Variants in EFNA5 observed in about 807,000 individuals in gnomAD.
EFNA5 encodes ephrin A5.
A neutral mutation model predicts 22.9 loss-of-function variants in EFNA5; 5 were observed. That is an observed-to-expected ratio of 0.22 (90% CI 0.11 to 0.46). EFNA5 has a LOEUF of 0.46. Ranked by LOEUF, EFNA5 falls within the 20% of genes least tolerant of loss-of-function variation. EFNA5 has a pLI of 0.99. For missense variants in EFNA5, 237 were observed against 293.3 expected (o/e 0.81, Z 1.40); for synonymous variants, 113 against 112.2 (o/e 1.01, Z -0.04).
intron 1 of EFNA5, among the ~76,000 whole-genome samples, chr5:107,505,894 T>C (rs1337346368): frequency 1.3e-5 from 2 of 152,080 alleles, no homozygotes; most frequent in Non-Finnish European, 2.9e-5. Context: ...ATCATCCCCA[T>C]TTTCCATTTG....
At chr5:107,568,806 T>C (rs1321068335) in intron 1 of EFNA5, among the ~76,000 whole-genome samples, 1 of 152,226 alleles carries the variant, frequency 6.6e-6, no homozygotes, top group Non-Finnish European at 1.5e-5. Context: ...GAATATCTTA[T>C]ATATAAAATA....
At position 107,614,117 on chromosome 5, in the gene EFNA5, C is replaced by A. The variant is rs149940655; in HGVS notation, c.125+56372G>T. On this transcript the variant is annotated intron_variant, in intron 1 of 4. Coordinates refer to ENST00000333274, the MANE Select transcript of EFNA5 (RefSeq NM_001962.3). ...TATCACACCCTGTGTAGTTTACACA[C>A]ATAATCCATATCCCCACAATATCAT... is the stretch of plus-strand genomic sequence containing the variant. 1.3e-4 allele frequency among the ~76,000 whole-genome samples: 20 copies of A among 152,254 alleles called. No individual in the cohort carries two copies. In the East Asian group the frequency reaches 3.9e-3, roughly 29 times the overall value.
rs1439170226 is a variant in EFNA5, at chr5:107,379,231, C to A, written c.*2024G>T. On this transcript the variant is annotated 3_prime_UTR_variant, in exon 5 of 5. Coordinates refer to ENST00000333274, the MANE Select transcript of EFNA5 (RefSeq NM_001962.3). ...GTGAGAACAGACTCGGCAGTGACAT[C>A]CACTCCAAATGGATCAGGTAAGCCC... is the stretch of plus-strand genomic sequence containing the variant. The A allele has an allele frequency of 2.0e-5, 3 of 152,076 alleles. No homozygotes were observed. Among genetic ancestry groups the A allele is most frequent in the Non-Finnish European group, 2.9e-5 (2 of 68,032 alleles). The allele number at this position is 152,076 out of a possible 1,614,324, so 9.4% of individuals were successfully genotyped here. A position where few individuals can be genotyped will look rare whatever the true frequency, so the allele number is the denominator to read the frequency against.
chr5:107,572,751 A>G (rs1748843773), intron 1 of EFNA5, among the ~76,000 whole-genome samples: 1 of 152,184 alleles, frequency 6.6e-6, no homozygotes, highest in African/African-American at 2.4e-5. Context: ...CTTCACACGG[A>G]CATTTTCATG....
intron 1 of EFNA5, among the ~76,000 whole-genome samples, chr5:107,467,312 A>T (rs991361310): frequency 6.6e-6 from 1 of 152,030 alleles, no homozygotes; most frequent in Admixed American, 6.6e-5. Flanking sequence ...AACTCTATGA[A>T]TCTTCTCTCA....
intron 1 of EFNA5, among the ~76,000 whole-genome samples, chr5:107,474,473 T>C (rs1344990723): frequency 1.3e-5 from 2 of 152,090 alleles, no homozygotes; most frequent in African/African-American, 4.8e-5. Flanking sequence ...ATCTAGTATG[T>C]AAAAATTTCC....
chr5:107,568,801 T>C (rs1468811820), intron 1 of EFNA5, among the ~76,000 whole-genome samples: 2 of 152,160 alleles, frequency 1.3e-5, no homozygotes, highest in Non-Finnish European at 2.9e-5. Context: ...ATACAGAATA[T>C]CTTATATATA....
Position 107,466,011 on chromosome 5 carries a change from C to T in EFNA5, c.126-38502G>A, listed in dbSNP as rs184485485. On this transcript the variant is annotated intron_variant, in intron 1 of 4. Transcript: ENST00000333274. ...TCAGCTCTCACTCATAGGAGAAAGT[C>T]GGGAGCAGGAGGAGGCAGACTAACT... Among the ~76,000 whole-genome samples, 278 of 152,208 alleles carry T rather than the reference C, an allele frequency of 1.8e-3. 2 individuals are homozygous for T. The highest frequency in any genetic ancestry group is 5.1e-3 in the African/African-American group (212 of 41,542).
intron 1 of EFNA5, among the ~76,000 whole-genome samples, chr5:107,498,212 G>T (rs756862492): frequency 6.6e-6 from 1 of 152,194 alleles, no homozygotes; most frequent in African/African-American, 2.4e-5. Context: ...CAACAAGCCC[G>T]GCCTACAATT....
intron 1 of EFNA5, among the ~76,000 whole-genome samples, chr5:107,601,894 AAAG>A (rs917198626): frequency 1.1e-4 from 16 of 152,220 alleles, no homozygotes; most frequent in Non-Finnish European, 1.6e-4. Flanking sequence ...AATATTCACT[AAAG>A]AAGTAAGAAG....
intron 1 of EFNA5, among the ~76,000 whole-genome samples, chr5:107,608,985 C>T (rs1452149077): frequency 6.6e-6 from 1 of 152,184 alleles, no homozygotes; most frequent in Non-Finnish European, 1.5e-5. Flanking sequence ...TACAAAACTT[C>T]CTGGTTGCTC....
At chr5:107,513,243 C>A (rs1272240450) in intron 1 of EFNA5, among the ~76,000 whole-genome samples, 1 of 151,720 alleles carries the variant, frequency 6.6e-6, no homozygotes, top group African/African-American at 2.4e-5. Context: ...CCCTCCTGAG[C>A]CAAGAGGAGA....
intron 1 of EFNA5, among the ~76,000 whole-genome samples, chr5:107,516,201 T>TGTGTGCGC (rs1561419592): frequency 8.6e-5 from 13 of 151,644 alleles, no homozygotes; most frequent in African/African-American, 2.7e-4. Flanking sequence ...TGTGTGTGTG[T>TGTGTGCGC]GTGTGTGTGT....
At chr5:107,497,063 A>C (rs1424678600) in intron 1 of EFNA5, among the ~76,000 whole-genome samples, 1 of 152,206 alleles carries the variant, frequency 6.6e-6, no homozygotes, top group Non-Finnish European at 1.5e-5. Flanking sequence ...CAGCTCCCTG[A>C]GGTTGCTTCC....
intron 1 of EFNA5, among the ~76,000 whole-genome samples, chr5:107,475,530 G>T (rs1166127734): frequency 6.6e-6 from 1 of 152,156 alleles, no homozygotes; most frequent in Admixed American, 6.5e-5. Flanking sequence ...GATCCTGGGA[G>T]AAAAATGTCA....
chr5:107,414,609 G>A (rs1005054023), intron 2 of EFNA5, among the ~76,000 whole-genome samples: 57 of 152,172 alleles, frequency 3.7e-4, no homozygotes, highest in African/African-American at 1.3e-3. Flanking sequence ...CAAATATAAT[G>A]ATGCACAAGT....
At chr5:107,435,701 T>C (rs1238201238) in intron 1 of EFNA5, among the ~76,000 whole-genome samples, 8 of 152,182 alleles carry the variant, frequency 5.3e-5, no homozygotes, top group Non-Finnish European at 1.2e-4. Context: ...GTTAAAAAAG[T>C]ATTCAAGGAT....
chr5:107,588,793 T>A, intron 1 of EFNA5, among the ~76,000 whole-genome samples: 1 of 152,204 alleles, frequency 6.6e-6, no homozygotes, highest in Non-Finnish European at 1.5e-5. Context: ...AAAAGACTCA[T>A]TTAAATTATC....
chr5:107,490,846 C>A lies in EFNA5; in HGVS notation c.126-63337G>T, dbSNP rs1028220056. On this transcript the variant is annotated intron_variant, in intron 1 of 4. Transcript: ENST00000333274. The stretch of plus-strand genomic sequence containing the variant: ...TTAATCCTAGTTACACATACTCTAA[C>A]AGGACATGATCTTAACCATTAGGGC... Among the ~76,000 whole-genome samples, 2 of 152,186 alleles carry A rather than the reference C, an allele frequency of 1.3e-5. 1 individual carries two copies. The highest frequency in any genetic ancestry group is 4.1e-4 in the South Asian group (2 of 4,834).
Sources: gnomAD v4.1 joint callset for allele counts (sites outside exome capture counted in the v4.1 genomes callset) on GRCh38, gnomAD v4.1.1 for gene constraint, MANE v1.5 for transcripts, NCBI Gene and HGNC (gene_info 2026-07-23, HGNC 2026-07-21) for gene names.